The following RBFOX1 variants were observed in gnomAD, a reference collection of about 807,000 sequenced individuals.
The protein encoded by RBFOX1 is RNA binding fox-1 homolog 1.
RBFOX1 carries 8 observed loss-of-function variants against 57.7 expected under a neutral mutation model. That is an observed-to-expected ratio of 0.14 (90% CI 0.08 to 0.25). The LOEUF (loss-of-function observed/expected upper bound fraction) is 0.25. Among genes scored for constraint, RBFOX1 ranks in the 10% least tolerant of loss-of-function variants. The probability of loss-of-function intolerance (pLI) is 1.00; values close to 1 mark genes in which losing one functional copy is unlikely to be tolerated. For synonymous variants in RBFOX1, 326 were observed against 222.4 expected, an observed-to-expected ratio of 1.47 and a Z score of -4.15; for missense variants, 611 against 548.5, an observed-to-expected ratio of 1.11 and a Z score of -1.14.
chr16:7,664,280 A>C (rs2068593605), intron 12 of RBFOX1, among the ~76,000 whole-genome samples: 1 of 152,230 alleles, frequency 6.6e-6, no homozygotes, highest in Non-Finnish European at 1.5e-5. Flanking sequence ...ACATGAAGAC[A>C]TGTCTGCACA....
At chr16:6,716,144 T>C (rs952291653) in intron 3 of RBFOX1, among the ~76,000 whole-genome samples, 1 of 152,222 alleles carries the variant, frequency 6.6e-6, no homozygotes, top group African/African-American at 2.4e-5. Context: ...TAGAGGGAAC[T>C]TAGATAGGTT....
At chr16:7,153,924 A>T (rs577279989) in intron 4 of RBFOX1, among the ~76,000 whole-genome samples, 6 of 135,660 alleles carry the variant, frequency 4.4e-5, no homozygotes, top group South Asian at 4.3e-4. Flanking sequence ...ACCTGGTTTT[A>T]AAAAAAACCC....
intron 1 of RBFOX1, among the ~76,000 whole-genome samples, chr16:6,244,293 T>A (rs1483704351): frequency 6.6e-6 from 1 of 152,142 alleles, no homozygotes; most frequent in African/African-American, 2.4e-5. Context: ...GTGTTTTTGT[T>A]TGGCGGTCAA....
At chr16:7,562,592 A>G (rs1281086329) in intron 5 of RBFOX1, among the ~76,000 whole-genome samples, 1 of 152,200 alleles carries the variant, frequency 6.6e-6, no homozygotes. Flanking sequence ...CACCAGTGGC[A>G]CCTGAGCCCC....
At chr16:6,636,145 G>C (rs2154065978) in intron 2 of RBFOX1, among the ~76,000 whole-genome samples, 1 of 152,264 alleles carries the variant, frequency 6.6e-6, no homozygotes, top group South Asian at 2.1e-4. Context: ...CAGTCAGACA[G>C]TTTTGGATTT....
intron 4 of RBFOX1, among the ~76,000 whole-genome samples, chr16:7,234,953 A>G (rs1432910117): frequency 6.6e-6 from 1 of 152,100 alleles, no homozygotes; most frequent in African/African-American, 2.4e-5. Context: ...TTATGCCTGT[A>G]GCTTGGATCC....
intron 3 of RBFOX1, among the ~76,000 whole-genome samples, chr16:5,743,171 G>A (rs1353057768): frequency 6.6e-6 from 1 of 152,158 alleles, no homozygotes; most frequent in Non-Finnish European, 1.5e-5. Flanking sequence ...TGGGTTACAG[G>A]TACATTTTCT....
intron 4 of RBFOX1, among the ~76,000 whole-genome samples, chr16:7,147,155 T>A (rs370189298): frequency 7.0e-6 from 1 of 142,944 alleles, no homozygotes; most frequent in African/African-American, 2.6e-5. Flanking sequence ...AATTTTTTTT[T>A]TTATTTATTT....
chr16:5,976,731 C>T (rs1007734777), intron 4 of RBFOX1, among the ~76,000 whole-genome samples: 7 of 151,924 alleles, frequency 4.6e-5, no homozygotes, highest in African/African-American at 1.2e-4. Flanking sequence ...TCTCTGGGTG[C>T]GGTGGCACAT....
chr16:7,360,858 G>T (rs1309114951), intron 4 of RBFOX1, among the ~76,000 whole-genome samples: 1 of 152,126 alleles, frequency 6.6e-6, no homozygotes, highest in African/African-American at 2.4e-5. Flanking sequence ...AGATTTCCCA[G>T]GTCACCTTGA....
chr16:6,502,737 C>G (rs2095974696), intron 2 of RBFOX1, among the ~76,000 whole-genome samples: 1 of 152,080 alleles, frequency 6.6e-6, no homozygotes, highest in South Asian at 2.1e-4. Context: ...CTCATCTCCT[C>G]TAGGGTAAGG....
At chr16:6,318,076 G>A (rs1243973316) in intron 2 of RBFOX1, among the ~76,000 whole-genome samples, 1 of 152,134 alleles carries the variant, frequency 6.6e-6, no homozygotes, top group Non-Finnish European at 1.5e-5. Context: ...GGGATTGCAG[G>A]ACTCTTTCTA....
At chr16:7,174,913 A>G (rs1416337032) in intron 4 of RBFOX1, among the ~76,000 whole-genome samples, 1 of 152,212 alleles carries the variant, frequency 6.6e-6, no homozygotes, top group Non-Finnish European at 1.5e-5. Flanking sequence ...TGTATTACTT[A>G]TCTATCTTTC....
At chr16:6,304,496 C>A (rs1201091024) in intron 1 of RBFOX1, among the ~76,000 whole-genome samples, 2 of 152,050 alleles carry the variant, frequency 1.3e-5, no homozygotes, top group Non-Finnish European at 2.9e-5. Flanking sequence ...CACTTAGAAT[C>A]TTGAGGACTA....
At chr16:7,362,032 A>G (rs1440947800) in intron 4 of RBFOX1, among the ~76,000 whole-genome samples, 2 of 147,456 alleles carry the variant, frequency 1.4e-5, no homozygotes, top group African/African-American at 2.5e-5. Flanking sequence ...TTGTGTGTAC[A>G]TGTGTTAGTG....
chr16:5,577,209 C>A (rs1409958102), intron 2 of RBFOX1, among the ~76,000 whole-genome samples: 1 of 152,174 alleles, frequency 6.6e-6, no homozygotes, highest in African/African-American at 2.4e-5. Flanking sequence ...CAGAAGACAG[C>A]AGTGTAATTA....
intron 4 of RBFOX1, among the ~76,000 whole-genome samples, chr16:7,446,778 A>C (rs1475268163): frequency 1.4e-5 from 2 of 141,794 alleles, no homozygotes; most frequent in South Asian, 2.3e-4. Context: ...CCTATTTCTC[A>C]AGCCAAGGTA....
At chr16:6,941,292 C>T (rs867555263) in intron 3 of RBFOX1, among the ~76,000 whole-genome samples, 2 of 80,066 alleles carry the variant, frequency 2.5e-5, no homozygotes, top group Non-Finnish European at 4.7e-5. Flanking sequence ...CCCTCCTTCC[C>T]TCCCTCCCTC....
chr16:6,664,096 A>C (rs1173467513), intron 3 of RBFOX1, among the ~76,000 whole-genome samples: 3 of 152,194 alleles, frequency 2.0e-5, no homozygotes, highest in Admixed American at 6.5e-5. Context: ...TATAGAGTCT[A>C]CTTGCTCATA....
Sources: allele counts gnomAD v4.1 joint callset (sites outside exome capture counted in the v4.1 genomes callset), GRCh38; gene constraint gnomAD v4.1.1; transcripts MANE v1.5; gene names NCBI Gene and HGNC (gene_info 2026-07-23, HGNC 2026-07-21).